The following ART3 variants were observed in gnomAD, a reference collection of about 807,000 sequenced individuals.
ART3 encodes the protein ADP-ribosyltransferase 3 (inactive), also known as ecto-ADP-ribosyltransferase 3.
A neutral mutation model predicts 48.5 loss-of-function variants in ART3; 49 were observed. That is an observed-to-expected ratio of 1.01 (90% CI 0.80 to 1.28). The LOEUF is 1.28. ART3 is among the 50% of genes most tolerant of loss of function. ART3 has a pLI of 0.00. For synonymous variants in ART3, 145 were observed against 157.2 expected (o/e 0.92, Z 0.58); for missense variants, 438 against 454.3 (o/e 0.96, Z 0.33).
At chr4:76,107,581 A>G (rs1486791252) in intron 10 of ART3, 180 bp from the exon 11 acceptor site, 1 of 404,356 alleles carries the variant, frequency 2.5e-6, no homozygotes, top group Non-Finnish European at 4.6e-6. Context: ...AAATTCAAAG[A>G]GCACAGATGA....
chr4:76,059,663 G>A (rs1719018432), intron 1 of ART3, among the ~76,000 whole-genome samples: 1 of 152,042 alleles, frequency 6.6e-6, no homozygotes, highest in Admixed American at 6.6e-5. Context: ...ACATATTCAG[G>A]CAATCCCAAT....
intron 1 of ART3, chr4:76,022,760 A>G: frequency 6.2e-7 from 1 of 1,613,572 alleles, no homozygotes. Flanking sequence ...CCTTGGATTA[A>G]CAGGTTGATT....
intron 7 of ART3, 68 bp downstream of exon 7, chr4:76,100,892 AT>A: frequency 6.2e-7 from 1 of 1,601,514 alleles, no homozygotes; most frequent in South Asian, 1.1e-5. Context: ...AGGTGGGAAT[AT>A]TTTCATATTT....
chr4:76,052,978 C>G (rs1241922364), intron 1 of ART3, among the ~76,000 whole-genome samples: 1 of 152,172 alleles, frequency 6.6e-6, no homozygotes, highest in Admixed American at 6.5e-5. Flanking sequence ...ATCCACCTGC[C>G]TCAGCCTCCC....
intron 11 of ART3, among the ~76,000 whole-genome samples, chr4:76,109,418 A>G (rs1012954630): frequency 6.6e-6 from 1 of 152,122 alleles, no homozygotes; most frequent in Non-Finnish European, 1.5e-5. Context: ...CTCCTATGAT[A>G]ATGCCTTCTG....
chr4:76,038,017 AAGTCTTTAC>A (rs1229212190), intron 1 of ART3, among the ~76,000 whole-genome samples: 2 of 152,160 alleles, frequency 1.3e-5, no homozygotes, highest in Non-Finnish European at 2.9e-5. Flanking sequence ...AAACCTTTGA[AAGTCTTTAC>A]AGTAGTCCCC....
intron 1 of ART3, among the ~76,000 whole-genome samples, chr4:76,020,136 T>G (rs775325549): frequency 2.6e-5 from 4 of 152,124 alleles, no homozygotes; most frequent in African/African-American, 4.8e-5. Context: ...CTTCTTTTTT[T>G]TTCTTTTAGA....
At chr4:76,108,345 A>T (rs1728858840) in intron 11 of ART3, among the ~76,000 whole-genome samples, 1 of 137,992 alleles carries the variant, frequency 7.2e-6, no homozygotes, top group South Asian at 2.2e-4. Context: ...ACTAAATAAA[A>T]ACTGATGTTT....
Position 76,038,831 on chromosome 4 carries a change from G to A in ART3, c.-10+27511G>A, listed in dbSNP as rs190426994. On this transcript the variant is annotated intron_variant, in intron 1 of 9. Transcript: ENST00000341029. ...TCTGCCTCCTGGATTCAAGTGATTCGCCTGCCTCAGCCTCCCAAGTAGCTG... is the reference window on the plus strand; with the variant it reads ...TCTGCCTCCTGGATTCAAGTGATTCACCTGCCTCAGCCTCCCAAGTAGCTG... Among the ~76,000 whole-genome samples the A allele has an allele frequency of 7.0e-3, 1,062 of 151,354 alleles. 8 individuals are homozygous for A. Among genetic ancestry groups the A allele is most frequent in the Middle Eastern group, 0.024 (7 of 292 alleles).
intron 1 of ART3, among the ~76,000 whole-genome samples, chr4:76,052,668 G>C (rs1433795413): frequency 6.7e-6 from 1 of 150,198 alleles, no homozygotes; most frequent in Non-Finnish European, 1.5e-5. Flanking sequence ...ACATTATTTA[G>C]CTCCCACTTG....
At chr4:76,048,838 C>G (rs1226727602) in intron 1 of ART3, among the ~76,000 whole-genome samples, 1 of 151,744 alleles carries the variant, frequency 6.6e-6, no homozygotes, top group Non-Finnish European at 1.5e-5. Flanking sequence ...GATGCATTCT[C>G]AAAAACCTGT....
At chr4:76,075,817 T>C (rs1720914320) in intron 1 of ART3, 64 bp from the exon 2 acceptor site, 3 of 1,249,352 alleles carry the variant, frequency 2.4e-6, no homozygotes, top group Admixed American at 2.0e-5. Context: ...AGTGTCATCC[T>C]ATTCTACTTC....
intron 3 of ART3, among the ~76,000 whole-genome samples, chr4:76,088,250 T>C (rs1278065320): frequency 8.3e-5 from 2 of 24,118 alleles, no homozygotes; most frequent in Admixed American, 6.4e-4. Context: ...TGAACTCTCT[T>C]TTTTTTTTTT....
At chr4:76,012,800 A>G (rs1358091591) in intron 1 of ART3, among the ~76,000 whole-genome samples, 2 of 152,230 alleles carry the variant, frequency 1.3e-5, no homozygotes, top group Non-Finnish European at 2.9e-5. Flanking sequence ...GAAGCTGCTG[A>G]CTAACCTGGA....
chr4:76,111,108 T>C (rs1170107563), intron 11 of ART3, among the ~76,000 whole-genome samples: 1 of 152,234 alleles, frequency 6.6e-6, no homozygotes, highest in Non-Finnish European at 1.5e-5. Flanking sequence ...CCTGTTGCTA[T>C]TGCAGTGAGT....
intron 5 of ART3, 137 bp downstream of exon 5, chr4:76,099,124 G>C: frequency 1.3e-6 from 1 of 747,290 alleles, no homozygotes; most frequent in East Asian, 2.9e-5. Flanking sequence ...CAACATGGCG[G>C]AACCCCATCT....
intron 10 of ART3, chr4:76,105,661 T>C (rs1728313168): frequency 3.7e-6 from 4 of 1,078,818 alleles, no homozygotes; most frequent in Non-Finnish European, 4.5e-6. Flanking sequence ...ATCTGGGCTG[T>C]ACACTTTCCG....
chr4:76,104,023 C>T (rs941057198), intron 9 of ART3, 54 bp downstream of exon 9: 24 of 1,550,806 alleles, frequency 1.5e-5, no homozygotes, highest in Non-Finnish European at 2.1e-5. Flanking sequence ...GAGCAGGATT[C>T]CCAGGCATTT....
At chr4:76,057,860 G>A (rs1718838189) in intron 1 of ART3, 1 of 152,198 alleles carries the variant, frequency 6.6e-6, no homozygotes, top group South Asian at 2.1e-4. Context: ...TCTGTTACAA[G>A]TTTTTTGGCT....
Sources: allele counts gnomAD v4.1 joint callset (sites outside exome capture counted in the v4.1 genomes callset), GRCh38; gene constraint gnomAD v4.1.1; transcripts MANE v1.5; gene names NCBI Gene and HGNC (gene_info 2026-07-23, HGNC 2026-07-21).